Variants in DNTTIP2 observed in about 807,000 individuals in gnomAD.
The protein encoded by DNTTIP2 is deoxynucleotidyltransferase terminal interacting protein 2.
A neutral mutation model predicts 62.4 loss-of-function variants in DNTTIP2; 47 were observed. The ratio of observed to expected loss-of-function variants is 0.75; its 90% confidence interval spans 0.60 to 0.96. DNTTIP2 has a LOEUF of 0.96. DNTTIP2 is among the 40% of genes least tolerant of loss of function. The pLI is 0.00. For synonymous variants in DNTTIP2, 322 were observed against 300.9 expected, an observed-to-expected ratio of 1.07 and a Z score of -0.73; for missense variants, 870 against 849.1, an observed-to-expected ratio of 1.02 and a Z score of -0.31.
Position 93,869,580 on chromosome 1 carries a change from A to T in DNTTIP2, c.*271T>A. The T allele has an allele frequency of 3.2e-6, 1 of 317,028 alleles. No homozygotes were observed. The highest frequency in any genetic ancestry group is 5.9e-6 in the Non-Finnish European group (1 of 169,072). 19.6% of individuals were successfully genotyped at this position (317,028 alleles called of 1,614,324 possible). A position where few individuals can be genotyped will look rare whatever the true frequency, so the allele number is the denominator to read the frequency against. The stretch of plus-strand genomic sequence containing the variant: ...TTTTCTTTAAATAACTAAGCATTGA[A>T]AACTTTACAAACCATCAGTTATCTT... On this transcript the variant is annotated 3_prime_UTR_variant, in exon 7 of 7. Coordinates refer to ENST00000436063, the MANE Select transcript of DNTTIP2 (RefSeq NM_014597.5).
chr1:93,876,907 T>TG lies in DNTTIP2; in HGVS notation c.1027dup (p.Gln343ProfsTer3). 1 of 1,613,856 alleles carries TG rather than the reference T, an allele frequency of 6.2e-7. No homozygotes were observed. Among genetic ancestry groups the TG allele is most frequent in the Non-Finnish European group, 8.5e-7 (1 of 1,179,856 alleles). ...GTGCACTGATACAGCATTTTTATTT[T>TG]GGGGGGTTGAATGTCTCTGAGAAAC... On this transcript the variant is annotated frameshift_variant, in exon 2 of 7. Transcript: ENST00000436063. LOFTEE classifies it high-confidence loss of function.
chr1:93,875,861 A>C, intron 2 of DNTTIP2, 78 bp from the exon 3 acceptor site: 1 of 1,431,958 alleles, frequency 7.0e-7, no homozygotes, highest in Admixed American at 2.5e-5. Flanking sequence ...TTAAAAAATC[A>C]CTTATTCTTC....
rs752271786 is a variant in DNTTIP2, at chr1:93,877,248, G to A, written c.687C>T (p.Ile229=). ...SKIVPGNEKQ[I]VGTPVNSEDS... ...CCTCTGAATTCACAGGTGTACCCAC[G>A]ATCTGTTTCTCATTTCCTGGTACAA... The change falls in exon 2 of 7, where the codon ATC becomes ATT. Residue 229 remains isoleucine, a synonymous_variant. Transcript: ENST00000436063. 7 of 1,613,832 alleles carry A rather than the reference G, an allele frequency of 4.3e-6. No homozygotes were observed. Among genetic ancestry groups the A allele is most frequent in the East Asian group, 2.2e-5 (1 of 44,876 alleles).
chr1:93,877,143 G>A lies in DNTTIP2; in HGVS notation c.792C>T (p.Asp264=), dbSNP rs766842107. The A allele has an allele frequency of 5.0e-6, 8 of 1,612,390 alleles. No individual in the cohort carries two copies. Among genetic ancestry groups the A allele is most frequent in the Non-Finnish European group, 6.8e-6 (8 of 1,179,818 alleles). Residue 264 remains aspartate, a synonymous_variant, in exon 2 of 7, where the codon GAC becomes GAT. Coordinates refer to ENST00000436063, the MANE Select transcript of DNTTIP2 (RefSeq NM_014597.5). ...EINKPNFYNN[D]FDDDFSHRSS... ...TTCTGTGGGAGAAATCATCATCAAA[G>A]TCATTATTATAGAAATTTGGCTTAT...
rs1241805577 is a variant in DNTTIP2 at position 93,868,463 on chromosome 1, G to T, written c.*1388C>A. On this transcript the variant is annotated 3_prime_UTR_variant, in exon 7 of 7. Transcript: ENST00000436063. ...GTGATTCCGCAAGGATCTAGGACCA[G>T]AAATACCATTTGACCCAGCAATCCC... The T allele has an allele frequency of 4.6e-5, 7 of 152,158 alleles. No individual in the cohort carries two copies. Among genetic ancestry groups the T allele is most frequent in the African/African-American group, 1.7e-4 (7 of 41,430 alleles). The allele number at this position is 152,158 out of a possible 1,614,324, so 9.4% of individuals were successfully genotyped here.
chr1:93,875,448 T>C (rs547153623), intron 3 of DNTTIP2, among the ~76,000 whole-genome samples, 197 bp downstream of exon 3: 8 of 152,300 alleles, frequency 5.3e-5, no homozygotes, highest in East Asian at 1.9e-4. Flanking sequence ...TGACCCTGTA[T>C]TGATTTATTT....
chr1:93,874,419 C>T (rs3789459), intron 3 of DNTTIP2, among the ~76,000 whole-genome samples: 58,425 of 151,948 alleles, frequency 0.38, 11,783 homozygotes, highest in East Asian at 0.62. Flanking sequence ...ACATGATCAA[C>T]AATGAATCAG....
chr1:93,869,782 A>G lies in DNTTIP2; in HGVS notation c.*69T>C, dbSNP rs754373402. Reference sequence around the variant, plus strand: ...GTAAATTAATTTAGATGATGGTGTTAGTTTTCCAAACGTCTTTAATAAGTA... The same window carrying G: ...GTAAATTAATTTAGATGATGGTGTTGGTTTTCCAAACGTCTTTAATAAGTA... On this transcript the variant is annotated 3_prime_UTR_variant, in exon 7 of 7. Transcript: ENST00000436063. The G allele has an allele frequency of 4.6e-4, 334 of 730,076 alleles. No individual in the cohort carries two copies. The highest frequency in any genetic ancestry group is 1.4e-3 in the Middle Eastern group (6 of 4,290). 45.2% of individuals were successfully genotyped at this position (730,076 alleles called of 1,614,324 possible).
At position 93,868,772 on chromosome 1, in the gene DNTTIP2, T is replaced by C. The variant is rs1336071105; in HGVS notation, c.*1079A>G. On this transcript the variant is annotated 3_prime_UTR_variant, in exon 7 of 7. Coordinates refer to ENST00000436063, the MANE Select transcript of DNTTIP2 (RefSeq NM_014597.5). ...CAAGAACAGAAAACCAAACACTGCATGTTCTTACTCGTAAGTGGGAGGTAA... is the reference window on the plus strand; with the variant it reads ...CAAGAACAGAAAACCAAACACTGCACGTTCTTACTCGTAAGTGGGAGGTAA... The C allele has an allele frequency of 6.6e-6, 1 of 152,026 alleles. No homozygotes were observed. Among genetic ancestry groups the C allele is most frequent in the Non-Finnish European group, 1.5e-5 (1 of 68,006 alleles). 9.4% of individuals were successfully genotyped at this position (152,026 alleles called of 1,614,324 possible).
chr1:93,876,019 A>C (rs868749063), intron 2 of DNTTIP2, among the ~76,000 whole-genome samples: 73 of 102,904 alleles, frequency 7.1e-4, no homozygotes, highest in African/African-American at 2.6e-3. Context: ...GATGGAGTGC[A>C]GTAGTGACCA....
chr1:93,875,536 C>A, intron 3 of DNTTIP2, 109 bp downstream of exon 3: 1 of 1,127,362 alleles, frequency 8.9e-7, no homozygotes, highest in Non-Finnish European at 1.2e-6. Context: ...AAAACTAACA[C>A]ATTAGGCCAA....
rs1655762327 is a variant in DNTTIP2, at chr1:93,867,965, A to AAG, written c.*1885_*1886insCT. On this transcript the variant is annotated 3_prime_UTR_variant, in exon 7 of 7. Coordinates refer to ENST00000436063, the MANE Select transcript of DNTTIP2 (RefSeq NM_014597.5). ...GGTATGGGCAGACTGCATGACTAAA[A>AAG]CACCAAAAGCAATGGCAACAAAAGG... 6.6e-6 allele frequency: 1 copy of AAG among 152,196 alleles called. No homozygotes were observed. Among genetic ancestry groups the AAG allele is most frequent in the Admixed American group, 6.5e-5 (1 of 15,270 alleles). 9.4% of individuals were successfully genotyped at this position (152,196 alleles called of 1,614,324 possible). A position where few individuals can be genotyped will look rare whatever the true frequency, so the allele number is the denominator to read the frequency against.
chr1:93,867,470 G>A lies in DNTTIP2; in HGVS notation c.*2381C>T, dbSNP rs1655750513. 1 of 151,708 alleles carries A rather than the reference G, an allele frequency of 6.6e-6. No individual in the cohort carries two copies. The highest frequency in any genetic ancestry group is 2.4e-5 in the African/African-American group (1 of 41,242). The allele number at this position is 151,708 out of a possible 1,614,324, so 9.4% of individuals were successfully genotyped here. A position where few individuals can be genotyped will look rare whatever the true frequency, so the allele number is the denominator to read the frequency against. ...CATAATGGCATGCCCAGTAGTCCCA[G>A]CTACTTGGCAGGCTGAGGTATGATA... On this transcript the variant is annotated 3_prime_UTR_variant, in exon 7 of 7. Coordinates refer to ENST00000436063, the MANE Select transcript of DNTTIP2 (RefSeq NM_014597.5).
Position 93,872,073 on chromosome 1 carries a change from TG to T in DNTTIP2, c.2065del (p.Gln689ArgfsTer116). 1.2e-6 allele frequency: 2 copies of T among 1,613,728 alleles called. No individual in the cohort carries two copies. Among genetic ancestry groups the T allele is most frequent in the South Asian group, 1.1e-5 (1 of 91,070 alleles). On this transcript the variant is annotated frameshift_variant and splice_region_variant, in exon 5 of 7. Transcript: ENST00000436063. LOFTEE classifies it high-confidence loss of function. ...ACCACTATTCTGTTTGCTTCATACCTGGAAGTACTTGGGGAAGCCATCTCTA... is the reference window on the plus strand; with the variant it reads ...ACCACTATTCTGTTTGCTTCATACCTGAAGTACTTGGGGAAGCCATCTCTA... The part of the protein sequence containing the change: ...NDRDGFPKYF[Q>X]IGTIVDNPAD...
chr1:93,876,665 T>C lies in DNTTIP2; in HGVS notation c.1270A>G (p.Thr424Ala). The C allele has an allele frequency of 6.2e-7, 1 of 1,614,046 alleles. No individual in the cohort carries two copies. Among genetic ancestry groups the C allele is most frequent in the Non-Finnish European group, 8.5e-7 (1 of 1,179,896 alleles). Residue 424 changes from threonine (T) to alanine (A), a missense_variant, in exon 2 of 7, where the codon ACC becomes GCC. Transcript: ENST00000436063. ...TTGGGCGCAGACGTGTATAGTTTGG[T>C]ATCACATTCAAAATCTACATTCCCT... ...SEGNVDFECD[T>A]KLYTSAPNTS... is the part of the protein sequence containing the mutation.
In DNTTIP2 at chr1:93,876,645, C is replaced by A. The variant is rs761766261; in HGVS notation, c.1290G>T (p.Ala430=). 6.2e-7 allele frequency: 1 copy of A among 1,613,984 alleles called. No individual in the cohort carries two copies. Among genetic ancestry groups the A allele is most frequent in the Non-Finnish European group, 8.5e-7 (1 of 1,179,888 alleles). Residue 430 remains alanine (A), a synonymous_variant, in exon 2 of 7, where the codon GCG becomes GCT. Coordinates refer to ENST00000436063, the MANE Select transcript of DNTTIP2 (RefSeq NM_014597.5). ...TATCTTTACCCTGAGATGTGTTGGG[C>A]GCAGACGTGTATAGTTTGGTATCAC... ...FECDTKLYTS[A]PNTSQGKDNS...
Position 93,876,977 on chromosome 1 carries a change from G to A in DNTTIP2, c.958C>T (p.Leu320=). 6.2e-7 allele frequency: 1 copy of A among 1,613,006 alleles called. No homozygotes were observed. Among genetic ancestry groups the A allele is most frequent in the Non-Finnish European group, 8.5e-7 (1 of 1,179,698 alleles). Residue 320 remains leucine (L), a synonymous_variant, in exon 2 of 7, where the codon CTG becomes TTG. Transcript: ENST00000436063. ...GKEINEKSSQ[L]KNLSELQDTS... is the part of the protein sequence containing the mutation. ...TCCTGAAGTTCAGAAAGATTCTTCA[G>A]CTGAGAACTTTTCTCATTAATTTCT... is the stretch of plus-strand genomic sequence containing the variant.
Position 93,879,184 on chromosome 1 carries a change from C to G in DNTTIP2, c.-36G>C. On this transcript the variant is annotated 5_prime_UTR_variant, in exon 1 of 7. Coordinates refer to ENST00000436063, the MANE Select transcript of DNTTIP2 (RefSeq NM_014597.5). ...CCCTCGCGACCACCACGACTTCCCT[C>G]TTCCCTGGCGCTCCGGAAATGCGTC... is the stretch of plus-strand genomic sequence containing the variant. The G allele has an allele frequency of 6.2e-7, 1 of 1,605,872 alleles. No individual in the cohort carries two copies. The highest frequency in any genetic ancestry group is 1.1e-5 in the South Asian group (1 of 90,672).
At position 93,877,554 on chromosome 1, in the gene DNTTIP2, T is replaced by C. The variant is rs1318666676; in HGVS notation, c.381A>G (p.Lys127=). 1.2e-6 allele frequency: 2 copies of C among 1,614,038 alleles called. No individual in the cohort carries two copies. The part of the protein sequence containing the change: ...SPVSSVRKKP[K]VTPTKESYTE... Reference sequence around the variant, plus strand: ...TGTAAGACTCCTTTGTTGGAGTTACTTTCGGCTTTTTCCTAACACTGGACA... The same window carrying C: ...TGTAAGACTCCTTTGTTGGAGTTACCTTCGGCTTTTTCCTAACACTGGACA... The change falls in exon 2 of 7, where the codon AAA becomes AAG. Residue 127 remains lysine, a synonymous_variant. Transcript: ENST00000436063.
Sources: gnomAD v4.1 joint callset for allele counts (sites outside exome capture counted in the v4.1 genomes callset) on GRCh38, gnomAD v4.1.1 for gene constraint, MANE v1.5 for transcripts, NCBI Gene and HGNC (gene_info 2026-07-23, HGNC 2026-07-21) for gene names.